FILIP1L: variants seen among roughly 807,000 people sequenced by gnomAD.
The protein encoded by FILIP1L is filamin A interacting protein 1 like.
FILIP1L carries 55 observed loss-of-function variants against 96.6 expected under a neutral mutation model. The observed-to-expected ratio is 0.57, with a 90% CI of 0.46 to 0.71. The LOEUF (loss-of-function observed/expected upper bound fraction) is 0.71. FILIP1L is among the 30% of genes least tolerant of loss of function. The pLI, the probability that FILIP1L is intolerant of heterozygous loss-of-function variation, is 0.00. For synonymous variants in FILIP1L, 467 were observed against 473.9 expected (o/e 0.99, Z 0.19); for missense variants, 1,304 against 1,321.2 (o/e 0.99, Z 0.20).
chr3:99,993,250 TTAA>T (rs1394720214), intron 1 of FILIP1L, among the ~76,000 whole-genome samples: 2 of 152,056 alleles, frequency 1.3e-5, no homozygotes. Flanking sequence ...AAATTACATT[TTAA>T]TAATATTGAT....
At chr3:99,922,824 C>T (rs987247127) in intron 4 of FILIP1L, among the ~76,000 whole-genome samples, 2 of 152,178 alleles carry the variant, frequency 1.3e-5, no homozygotes, top group East Asian at 1.9e-4. Flanking sequence ...TTTGCAGCCA[C>T]GCTTCTCAAA....
intron 1 of FILIP1L, among the ~76,000 whole-genome samples, chr3:100,065,262 G>A (rs577555006): frequency 1.3e-5 from 2 of 152,242 alleles, no homozygotes; most frequent in African/African-American, 4.8e-5. Context: ...ATGTTTTAAC[G>A]AGAATATCCA....
rs558855699 is a variant in FILIP1L at position 99,886,413 on chromosome 3, G to GA, written c.606-35344dup. ...ACTTAACACTAATGATACCTGATGA[G>GA]AAAAAAAAAAATCGGAAAAAAAAAA... On this transcript the variant is annotated intron_variant, in intron 4 of 5. Transcript: ENST00000477258. Among the ~76,000 whole-genome samples, 616 of 142,626 alleles carry GA rather than the reference G, an allele frequency of 4.3e-3. 1 individual carries two copies. The highest frequency in any genetic ancestry group is 0.01 in the South Asian group (47 of 4,534). The allele number at this position is 142,626 out of a possible 152,430, so 93.6% of individuals were successfully genotyped here. A position where few individuals can be genotyped will look rare whatever the true frequency, so the allele number is the denominator to read the frequency against.
Position 99,845,460 on chromosome 3 carries a change from A to G in FILIP1L, c.3381+2835T>C, listed in dbSNP as rs184907400. 4.6e-3 allele frequency among the ~76,000 whole-genome samples: 698 copies of G among 152,286 alleles called. 2 individuals are homozygous for G. The highest frequency in any genetic ancestry group is 7.1e-3 in the South Asian group (34 of 4,822). ...AACAGTCTATCTTCTGTGAGCCCTC[A>G]TGGACCAAAGAATACAACCCTCCAC... On this transcript the variant is annotated intron_variant, in intron 5 of 5. Transcript: ENST00000477258.
At chr3:100,096,714 T>C (rs2066215977) in intron 1 of FILIP1L, among the ~76,000 whole-genome samples, 1 of 150,944 alleles carries the variant, frequency 6.6e-6, no homozygotes, top group Admixed American at 6.6e-5. Flanking sequence ...CACAACAGAG[T>C]GACTACAGTC....
chr3:99,927,836 C>T (rs1406779202), intron 3 of FILIP1L, among the ~76,000 whole-genome samples: 1 of 152,130 alleles, frequency 6.6e-6, no homozygotes, highest in Non-Finnish European at 1.5e-5. Context: ...CACACCTCTG[C>T]TCCTAGCCCC....
chr3:99,933,524 A>G (rs1178260422), intron 1 of FILIP1L, among the ~76,000 whole-genome samples: 1 of 152,332 alleles, frequency 6.6e-6, no homozygotes, highest in East Asian at 1.9e-4. Context: ...AACATTCAAA[A>G]AAGACAAAAA....
chr3:99,871,890 C>T (rs1385146264), intron 4 of FILIP1L, among the ~76,000 whole-genome samples: 2 of 152,130 alleles, frequency 1.3e-5, no homozygotes, highest in African/African-American at 2.4e-5. Flanking sequence ...CACCTCCCTT[C>T]TGTTGTTGTA....
At chr3:99,910,541 C>G (rs1164973140) in intron 4 of FILIP1L, among the ~76,000 whole-genome samples, 1 of 136,654 alleles carries the variant, frequency 7.3e-6, no homozygotes, top group Non-Finnish European at 1.7e-5. Context: ...TTGTTATATC[C>G]AGTACCCCTT....
intron 1 of FILIP1L, among the ~76,000 whole-genome samples, chr3:99,961,421 T>C (rs1047395307): frequency 2.6e-5 from 4 of 152,190 alleles, no homozygotes; most frequent in East Asian, 1.9e-4. Context: ...ACTCTTATGC[T>C]ATATATGCAT....
chr3:99,889,933 T>C (rs1198432115), intron 4 of FILIP1L, among the ~76,000 whole-genome samples: 1 of 152,140 alleles, frequency 6.6e-6, no homozygotes, highest in Non-Finnish European at 1.5e-5. Flanking sequence ...TATTGTTCTA[T>C]TAGGCAATTA....
chr3:99,961,206 G>A (rs977003164), intron 1 of FILIP1L, among the ~76,000 whole-genome samples: 9 of 152,202 alleles, frequency 5.9e-5, no homozygotes, highest in Admixed American at 2.0e-4. Flanking sequence ...GAGGTGGTGC[G>A]GAGAATGCCC....
chr3:99,912,384 G>GT (rs1329765570), intron 4 of FILIP1L, among the ~76,000 whole-genome samples: 1 of 152,036 alleles, frequency 6.6e-6, no homozygotes, highest in Non-Finnish European at 1.5e-5. Context: ...TCTTTTTTCT[G>GT]TTTTTCTTTT....
intron 1 of FILIP1L, among the ~76,000 whole-genome samples, chr3:99,981,626 C>T (rs1709127807): frequency 6.6e-6 from 1 of 152,112 alleles, no homozygotes. Context: ...CCCCGTTTTG[C>T]AAGTGGAAAA....
At position 99,829,452 on chromosome 3, in the gene FILIP1L, C is replaced by T. The variant is rs1379985876; in HGVS notation, c.*962G>A. ...CTTATAGATGACTGTTTGAATTCAA[C>T]ATTTTGTATTAATAGTTGGGCATAT... On this transcript the variant is annotated 3_prime_UTR_variant, in exon 6 of 6. Coordinates refer to ENST00000477258, the MANE Select transcript of FILIP1L (RefSeq NM_001387850.1). Among the ~76,000 whole-genome samples the T allele has an allele frequency of 6.6e-6, 1 of 152,160 alleles. No individual in the cohort carries two copies. Among genetic ancestry groups the T allele is most frequent in the Non-Finnish European group, 1.5e-5 (1 of 68,026 alleles).
rs548981130 is a variant in FILIP1L, at chr3:99,933,567, A to C, written c.-10-2537T>G. On this transcript the variant is annotated intron_variant, in intron 1 of 5. Transcript: ENST00000477258. ...TTATACATAAACAGGATTTCTAATT[A>C]TCTTTCCCCACCCCTATTGTATTTT... Among the ~76,000 whole-genome samples, 6 of 152,346 alleles carry C rather than the reference A, an allele frequency of 3.9e-5. No homozygotes were observed. The East Asian group carries it at 1.2e-3, about 29-fold the overall frequency.
At chr3:100,016,673 A>G (rs1710350694) in intron 1 of FILIP1L, among the ~76,000 whole-genome samples, 1 of 152,232 alleles carries the variant, frequency 6.6e-6, no homozygotes, top group African/African-American at 2.4e-5. Context: ...TTCACATGTA[A>G]AGTCCATGCA....
At chr3:99,907,722 A>G (rs569460006) in intron 4 of FILIP1L, among the ~76,000 whole-genome samples, 11 of 152,196 alleles carry the variant, frequency 7.2e-5, no homozygotes, top group African/African-American at 2.6e-4. Flanking sequence ...TCCACCTATA[A>G]TGATTTTTGT....
At chr3:100,073,136 G>C (rs999983434) in intron 1 of FILIP1L, among the ~76,000 whole-genome samples, 1 of 152,134 alleles carries the variant, frequency 6.6e-6, no homozygotes, top group African/African-American at 2.4e-5. Context: ...TTATATTATA[G>C]AACAGGGGAG....
Sources: allele counts gnomAD v4.1 joint callset (sites outside exome capture counted in the v4.1 genomes callset), GRCh38; gene constraint gnomAD v4.1.1; transcripts MANE v1.5; gene names NCBI Gene and HGNC (gene_info 2026-07-23, HGNC 2026-07-21).